The following TNRC6A variants were observed in gnomAD, a reference collection of about 807,000 sequenced individuals.
TNRC6A encodes the protein trinucleotide repeat-containing gene 6A protein.
A neutral mutation model predicts 221.2 loss-of-function variants in TNRC6A; 44 were observed. The observed-to-expected ratio is 0.20, with a 90% CI of 0.16 to 0.26. TNRC6A has a LOEUF of 0.26. Ranked by LOEUF, TNRC6A falls within the 10% of genes least tolerant of loss-of-function variation. The probability of loss-of-function intolerance (pLI) is 1.00; values close to 1 mark genes in which losing one functional copy is unlikely to be tolerated. For synonymous variants in TNRC6A, 847 were observed against 838.5 expected (o/e 1.01, Z -0.18); for missense variants, 2,199 against 2,404.4 (o/e 0.91, Z 1.79).
intron 2 of TNRC6A, among the ~76,000 whole-genome samples, chr16:24,657,072 G>A (rs1463098643): frequency 2.0e-5 from 3 of 151,946 alleles, no homozygotes. Flanking sequence ...CAGCACTTTG[G>A]GAGGCCAAGG....
At chr16:24,633,950 T>A (rs1596563803) in intron 1 of TNRC6A, among the ~76,000 whole-genome samples, 1 of 152,004 alleles carries the variant, frequency 6.6e-6, no homozygotes, top group East Asian at 1.9e-4. Context: ...TGGCTAATTT[T>A]TGTATCTTTA....
intron 2 of TNRC6A, among the ~76,000 whole-genome samples, chr16:24,657,674 A>C (rs1400026590): frequency 6.7e-6 from 1 of 149,164 alleles, no homozygotes; most frequent in African/African-American, 2.5e-5. Flanking sequence ...GTGCCACTGC[A>C]CTCCAGCTTG....
Position 24,823,399 on chromosome 16 carries a change from T to A in TNRC6A, c.5514-33T>A. Reference sequence around the variant, plus strand: ...TGAATGAAGCCCTCCTGGTGTGCTGTCCTCACGTGTCCGCGGTGCCTCTCT... The same window carrying A: ...TGAATGAAGCCCTCCTGGTGTGCTGACCTCACGTGTCCGCGGTGCCTCTCT... On this transcript the variant is annotated intron_variant, in intron 24 of 24. Coordinates refer to ENST00000395799, the MANE Select transcript of TNRC6A (RefSeq NM_014494.4). This position sits in a 1 kb window ranked among gnomAD's most constrained non-coding sequence, Gnocchi z 4.3. 6.3e-7 allele frequency: 1 copy of A among 1,578,158 alleles called. No individual in the cohort carries two copies.
chr16:24,672,112 T>C (rs993286370), intron 2 of TNRC6A, among the ~76,000 whole-genome samples: 10 of 152,010 alleles, frequency 6.6e-5, no homozygotes, highest in African/African-American at 2.2e-4. Context: ...GTGTTCTTTG[T>C]TTATTTTATT....
At chr16:24,738,463 C>G (rs944705115) in intron 2 of TNRC6A, among the ~76,000 whole-genome samples, 4 of 152,208 alleles carry the variant, frequency 2.6e-5, no homozygotes, top group African/African-American at 9.6e-5. Flanking sequence ...GTCCCTTCCA[C>G]CCAGCCTCTG....
intron 2 of TNRC6A, among the ~76,000 whole-genome samples, chr16:24,721,843 A>G (rs2056415101): frequency 6.6e-6 from 1 of 152,228 alleles, no homozygotes; most frequent in Admixed American, 6.5e-5. Flanking sequence ...AATACACGCA[A>G]TCATATGAAT....
chr16:24,787,541 C>T (rs2058000892), intron 5 of TNRC6A, among the ~76,000 whole-genome samples: 1 of 152,068 alleles, frequency 6.6e-6, no homozygotes, highest in African/African-American at 2.4e-5. Flanking sequence ...TTGCTTACAC[C>T]CAATGAGACT....
intron 2 of TNRC6A, among the ~76,000 whole-genome samples, chr16:24,713,145 G>A (rs190146049): frequency 6.6e-6 from 1 of 152,228 alleles, no homozygotes; most frequent in East Asian, 1.9e-4. Context: ...TCAGCTGGAT[G>A]CAGTGGCTCT....
At chr16:24,760,734 T>C (rs1367123151) in intron 4 of TNRC6A, among the ~76,000 whole-genome samples, 1 of 133,398 alleles carries the variant, frequency 7.5e-6, no homozygotes, top group Non-Finnish European at 1.5e-5. Flanking sequence ...TACTAAACTT[T>C]GTATTTTGGA....
intron 2 of TNRC6A, among the ~76,000 whole-genome samples, chr16:24,689,096 C>T (rs1243815117): frequency 6.6e-6 from 1 of 152,102 alleles, no homozygotes; most frequent in Non-Finnish European, 1.5e-5. Flanking sequence ...ACAAAAAACA[C>T]AAACAAAAAG....
intron 1 of TNRC6A, among the ~76,000 whole-genome samples, chr16:24,634,059 G>A (rs1901494527): frequency 1.3e-5 from 2 of 152,156 alleles, no homozygotes; most frequent in African/African-American, 4.8e-5. Flanking sequence ...TAGCATGACA[G>A]GCGTGAGCCA....
intron 4 of TNRC6A, among the ~76,000 whole-genome samples, chr16:24,770,932 G>A (rs1453765357): frequency 6.6e-6 from 1 of 152,140 alleles, no homozygotes; most frequent in African/African-American, 2.4e-5. Context: ...CATAATAACA[G>A]GAAGACTTTA....
chr16:24,782,102 G>A (rs1035717991), intron 5 of TNRC6A, among the ~76,000 whole-genome samples: 4 of 152,116 alleles, frequency 2.6e-5, no homozygotes, highest in East Asian at 1.9e-4. Flanking sequence ...GATTACAGGC[G>A]TGAGCCACCG....
chr16:24,700,485 C>A (rs28512462), intron 2 of TNRC6A, among the ~76,000 whole-genome samples: 7 of 151,866 alleles, frequency 4.6e-5, no homozygotes, highest in African/African-American at 9.7e-5. Context: ...GAGCCTCCCC[C>A]CTTGACCTCT....
intron 3 of TNRC6A, among the ~76,000 whole-genome samples, chr16:24,757,133 A>ATT (rs563282310): frequency 2.0e-5 from 3 of 150,232 alleles, no homozygotes; most frequent in African/African-American, 7.3e-5. Flanking sequence ...TTCCATCAAA[A>ATT]TTTTTTTTTT....
chr16:24,822,813 A>G (rs1260094802), intron 23 of TNRC6A, 61 bp from the exon 24 acceptor site: 1 of 1,605,208 alleles, frequency 6.2e-7, no homozygotes, highest in Non-Finnish European at 8.5e-7. Context: ...GCAGCCTGAA[A>G]CAGCCTCCTG....
chr16:24,701,974 G>A (rs34197790), intron 2 of TNRC6A, among the ~76,000 whole-genome samples: 74,421 of 150,806 alleles, frequency 0.49, 19,553 homozygotes, highest in East Asian at 0.82. Flanking sequence ...TTCCTGTACT[G>A]AAAAAAAACA....
chr16:24,744,471 A>G (rs1315662205), intron 2 of TNRC6A, among the ~76,000 whole-genome samples: 5 of 152,162 alleles, frequency 3.3e-5, no homozygotes, highest in African/African-American at 9.7e-5. Flanking sequence ...TTACTGTAAG[A>G]TTTGGTACTT....
intron 2 of TNRC6A, among the ~76,000 whole-genome samples, chr16:24,739,988 G>C (rs535617709): frequency 1.3e-5 from 2 of 152,216 alleles, no homozygotes; most frequent in East Asian, 1.9e-4. Context: ...TGGCATGAGG[G>C]CTCCAATGTC....
Sources: allele counts gnomAD v4.1 joint callset (sites outside exome capture counted in the v4.1 genomes callset), GRCh38; gene constraint gnomAD v4.1.1; non-coding constraint Gnocchi (gnomAD v3.1); transcripts MANE v1.5; gene names NCBI Gene and HGNC (gene_info 2026-07-23, HGNC 2026-07-21).